The following TMTC2 variants were observed in gnomAD, a reference collection of about 807,000 sequenced individuals.
TMTC2 encodes the protein transmembrane O-mannosyltransferase targeting cadherins 2.
TMTC2 carries 43 observed loss-of-function variants against 82.4 expected under a neutral mutation model. The observed-to-expected ratio is 0.52, with a 90% CI of 0.41 to 0.67. TMTC2 has a LOEUF of 0.67. TMTC2 is among the 30% of genes least tolerant of loss of function. TMTC2 has a pLI of 0.00. For synonymous variants in TMTC2, 408 were observed against 381.9 expected (o/e 1.07, Z -0.80); for missense variants, 919 against 1,012.4 (o/e 0.91, Z 1.25).
At position 82,858,605 on chromosome 12, in the gene TMTC2, T is replaced by G. The variant is rs187604688; in HGVS notation, c.654+1025T>G. Among the ~76,000 whole-genome samples the G allele has an allele frequency of 3.9e-5, 6 of 152,286 alleles. No homozygotes were observed. In the East Asian group the frequency reaches 7.7e-4, roughly 20 times the overall value. On this transcript the variant is annotated intron_variant, in intron 2 of 11. Coordinates refer to ENST00000321196, the MANE Select transcript of TMTC2 (RefSeq NM_152588.3). ...ATTGAGAAGAAATTTAAAAACAAAT[T>G]GAGGCAAATGCTGTTCGAAACATCA...
intron 8 of TMTC2, among the ~76,000 whole-genome samples, chr12:83,022,306 G>C (rs937371647): frequency 4.6e-5 from 7 of 151,308 alleles, no homozygotes; most frequent in African/African-American, 7.3e-5. Context: ...TACTCCCTTA[G>C]GTTACTCTTC....
chr12:82,951,099 T>C (rs1337211126), intron 4 of TMTC2, among the ~76,000 whole-genome samples: 4 of 152,196 alleles, frequency 2.6e-5, no homozygotes, highest in South Asian at 2.1e-4. Flanking sequence ...CTTTGCAGTT[T>C]TGTGACACAA....
At chr12:82,704,652 T>TC (rs1873256648) in intron 1 of TMTC2, among the ~76,000 whole-genome samples, 1 of 151,908 alleles carries the variant, frequency 6.6e-6, no homozygotes, top group Non-Finnish European at 1.5e-5. Context: ...TTTTTTTTGG[T>TC]AAAATAGTAT....
intron 1 of TMTC2, among the ~76,000 whole-genome samples, chr12:82,771,439 A>G (rs746389127): frequency 6.6e-6 from 1 of 152,070 alleles, no homozygotes. Context: ...CCTTATTACC[A>G]TGTGGCACCA....
At chr12:83,091,347 A>AAGGG (rs1883841235) in intron 11 of TMTC2, among the ~76,000 whole-genome samples, 1 of 152,200 alleles carries the variant, frequency 6.6e-6, no homozygotes, top group Non-Finnish European at 1.5e-5. Context: ...CTACTGTTAT[A>AAGGG]ACAGTGCTGC....
intron 1 of TMTC2, among the ~76,000 whole-genome samples, chr12:82,749,894 C>A (rs143296194): frequency 6.6e-6 from 1 of 152,028 alleles, no homozygotes; most frequent in Admixed American, 6.6e-5. Flanking sequence ...TGCACCACCA[C>A]GCCCGCATAA....
chr12:82,693,387 C>G (rs1872655767), intron 1 of TMTC2, among the ~76,000 whole-genome samples: 1 of 152,200 alleles, frequency 6.6e-6, no homozygotes, highest in Non-Finnish European at 1.5e-5. Flanking sequence ...GTGCTTCATT[C>G]ATACATGCAG....
At chr12:82,748,144 C>A (rs7316505) in intron 1 of TMTC2, among the ~76,000 whole-genome samples, 137,202 of 152,038 alleles carry the variant, frequency 0.9, 63,669 homozygotes, top group East Asian at 1. Context: ...CCCTGTCTTT[C>A]CTAAAAACAC....
At chr12:83,009,259 A>T (rs1880345152) in intron 8 of TMTC2, among the ~76,000 whole-genome samples, 1 of 151,968 alleles carries the variant, frequency 6.6e-6, no homozygotes, top group African/African-American at 2.4e-5. Flanking sequence ...TCACCAGGAG[A>T]GTGGGGGATC....
At chr12:83,124,877 G>A (rs979490295) in intron 11 of TMTC2, among the ~76,000 whole-genome samples, 7 of 152,132 alleles carry the variant, frequency 4.6e-5, no homozygotes, top group Admixed American at 6.5e-5. Context: ...ACTGAAGATA[G>A]GGAGAATAAC....
intron 1 of TMTC2, among the ~76,000 whole-genome samples, chr12:82,749,736 TTTC>T (rs1169233057): frequency 0.018 from 708 of 38,290 alleles, no homozygotes; most frequent in African/African-American, 0.047. Flanking sequence ...TCTTTCTTTC[TTTC>T]TTTTTTTTTT....
intron 11 of TMTC2, among the ~76,000 whole-genome samples, chr12:83,081,532 C>T (rs1004203137): frequency 1.3e-5 from 2 of 152,080 alleles, no homozygotes; most frequent in African/African-American, 2.4e-5. Flanking sequence ...GGATGCATCA[C>T]ATCAGATTTT....
At chr12:82,865,768 A>T (rs947748404) in intron 2 of TMTC2, among the ~76,000 whole-genome samples, 2 of 152,138 alleles carry the variant, frequency 1.3e-5, no homozygotes, top group African/African-American at 4.8e-5. Flanking sequence ...GAAGTAAAGC[A>T]CTCCTCAGCA....
chr12:82,801,734 G>T (rs1005874882), intron 1 of TMTC2, among the ~76,000 whole-genome samples: 1 of 152,058 alleles, frequency 6.6e-6, no homozygotes, highest in Non-Finnish European at 1.5e-5. Context: ...ACAGAGTGCC[G>T]ATTGGTGTAT....
intron 1 of TMTC2, among the ~76,000 whole-genome samples, chr12:82,852,251 G>A (rs946405813): frequency 1.3e-5 from 2 of 151,818 alleles, no homozygotes; most frequent in Non-Finnish European, 2.9e-5. Context: ...ACAAGCGCCC[G>A]CCACCACGCC....
intron 4 of TMTC2, among the ~76,000 whole-genome samples, chr12:82,961,064 C>A (rs1417213560): frequency 6.6e-6 from 1 of 151,608 alleles, no homozygotes; most frequent in East Asian, 1.9e-4. Context: ...ACTTTTCTTG[C>A]CCAAGGTTCG....
At chr12:82,909,756 C>A (rs569809845) in intron 3 of TMTC2, among the ~76,000 whole-genome samples, 66 of 152,192 alleles carry the variant, frequency 4.3e-4, no homozygotes, top group African/African-American at 1.5e-3. Context: ...AGGTGTGATT[C>A]TCTGAACATA....
intron 1 of TMTC2, among the ~76,000 whole-genome samples, chr12:82,813,324 G>A (rs959136956): frequency 4.6e-5 from 7 of 151,924 alleles, no homozygotes; most frequent in South Asian, 2.1e-4. Context: ...TACATTTTTC[G>A]TTAAGTCTTG....
intron 11 of TMTC2, among the ~76,000 whole-genome samples, chr12:83,087,519 TA>T (rs1329685580): frequency 1.3e-5 from 2 of 152,234 alleles, no homozygotes; most frequent in Admixed American, 1.3e-4. Flanking sequence ...GCTATAGCCT[TA>T]AAAATGTATT....
Sources: allele counts gnomAD v4.1 joint callset (sites outside exome capture counted in the v4.1 genomes callset), GRCh38; gene constraint gnomAD v4.1.1; transcripts MANE v1.5; gene names NCBI Gene and HGNC (gene_info 2026-07-23, HGNC 2026-07-21).